The following KCNQ1OT1 variants were observed in gnomAD, a reference collection of about 807,000 sequenced individuals.
KCNQ1OT1 encodes KCNQ1 opposite strand/antisense transcript 1.
Position 2,621,585 on chromosome 11 carries a change from C to A in KCNQ1OT1, n.78410G>T. ...TCTCTTTGCTATTGGTCTGTTCAGG[C>A]TTTCTATTCCTGATTTAATCTTAGC... On this transcript the variant is annotated non_coding_transcript_exon_variant, in exon 1 of 1. Coordinates refer to ENST00000597346, the Ensembl canonical transcript of KCNQ1OT1. This position sits in a 1 kb window ranked among gnomAD's most constrained non-coding sequence, Gnocchi z 5.7. The A allele has an allele frequency of 2.5e-6, 1 of 398,410 alleles. No homozygotes were observed. The highest frequency in any genetic ancestry group is 4.4e-6 in the Non-Finnish European group (1 of 226,002). 24.7% of individuals were successfully genotyped at this position (398,410 alleles called of 1,614,324 possible). A position where few individuals can be genotyped will look rare whatever the true frequency, so the allele number is the denominator to read the frequency against.
exon 1 of KCNQ1OT1, chr11:2,637,021 CG>C (rs1849481271): frequency 6.6e-6 from 1 of 152,036 alleles, no homozygotes; most frequent in Admixed American, 6.6e-5. Flanking sequence ...TCTGTGGGAT[CG>C]GTGGTGATAT....
exon 1 of KCNQ1OT1, chr11:2,643,020 A>G (rs1849604026): frequency 2.5e-6 from 1 of 397,848 alleles, no homozygotes. Flanking sequence ...CTGAGAAGAT[A>G]TGTGATATGA....
chr11:2,683,914 T>C lies in KCNQ1OT1; in HGVS notation n.16081A>G. 2.5e-6 allele frequency: 1 copy of C among 397,454 alleles called. No homozygotes were observed. Among genetic ancestry groups the C allele is most frequent in the East Asian group, 3.6e-5 (1 of 28,042 alleles). 24.6% of individuals were successfully genotyped at this position (397,454 alleles called of 1,614,324 possible). A position where few individuals can be genotyped will look rare whatever the true frequency, so the allele number is the denominator to read the frequency against. On this transcript the variant is annotated non_coding_transcript_exon_variant, in exon 1 of 1. Coordinates refer to ENST00000597346, the Ensembl canonical transcript of KCNQ1OT1. The surrounding 1 kb of genome is among the most constrained non-coding windows in gnomAD (Gnocchi z 4.7). ...GCAAAAGATGGCCAAAGGTGCATGC[T>C]CTGTGACACGTTTCATAGTCAGACA...
At position 2,677,792 on chromosome 11, in the gene KCNQ1OT1, C is replaced by G. The variant is rs1352179128; in HGVS notation, n.22203G>C. The G allele has an allele frequency of 1.8e-5, 7 of 398,372 alleles. No homozygotes were observed. Among genetic ancestry groups the G allele is most frequent in the African/African-American group, 2.1e-5 (1 of 48,586 alleles). The allele number at this position is 398,372 out of a possible 1,614,324, so 24.7% of individuals were successfully genotyped here. ...ATCCTCCCTTTCCCCCCATTTCCAG[C>G]AGGATTAAAATGTTCATTTATGTTG... On this transcript the variant is annotated non_coding_transcript_exon_variant, in exon 1 of 1. Transcript: ENST00000597346. This position sits in a 1 kb window ranked among gnomAD's most constrained non-coding sequence, Gnocchi z 4.5.
At chr11:2,636,907 G>A (rs1414687584) in exon 1 of KCNQ1OT1, 1 of 152,166 alleles carries the variant, frequency 6.6e-6, no homozygotes, top group Non-Finnish European at 1.5e-5. Flanking sequence ...TCCTGGTTTA[G>A]TCTTGGAAGG....
At chr11:2,628,862 T>A (rs1202593037) in exon 1 of KCNQ1OT1, 2 of 398,272 alleles carry the variant, frequency 5.0e-6, no homozygotes, top group Admixed American at 8.8e-5. Context: ...TGCCATTTAT[T>A]CAAGAGAGTA....
rs1848988720 is a variant in KCNQ1OT1, at chr11:2,612,228, A to G, written n.87767T>C. On this transcript the variant is annotated non_coding_transcript_exon_variant, in exon 1 of 1. Coordinates refer to ENST00000597346, the Ensembl canonical transcript of KCNQ1OT1. The surrounding 1 kb of genome is among the most constrained non-coding windows in gnomAD (Gnocchi z 5.5). Reference sequence around the variant, plus strand: ...AGCTCTGCCTCCTGTCTGATCAGTGATGGCATTAGATTCTCACAGAGAGCA... The same window carrying G: ...AGCTCTGCCTCCTGTCTGATCAGTGGTGGCATTAGATTCTCACAGAGAGCA... 2.5e-6 allele frequency: 1 copy of G among 398,638 alleles called. No individual in the cohort carries two copies. The highest frequency in any genetic ancestry group is 4.4e-6 in the Non-Finnish European group (1 of 226,074). The allele number at this position is 398,638 out of a possible 1,614,324, so 24.7% of individuals were successfully genotyped here.
exon 1 of KCNQ1OT1, chr11:2,650,630 T>A: frequency 5.0e-6 from 2 of 398,670 alleles, no homozygotes; most frequent in Non-Finnish European, 8.8e-6. Context: ...TTTTTGCTGA[T>A]GTTGCTAACT....
rs2133807615 is a variant in KCNQ1OT1 at position 2,623,974 on chromosome 11, A to G, written n.76021T>C. Reference sequence around the variant, plus strand: ...AACTCTTCTCCACCAGGGCTGCACCACTTTACATTCCCATTAATGGTATAT... The same window carrying G: ...AACTCTTCTCCACCAGGGCTGCACCGCTTTACATTCCCATTAATGGTATAT... On this transcript the variant is annotated non_coding_transcript_exon_variant, in exon 1 of 1. Transcript: ENST00000597346. The surrounding 1 kb of genome is among the most constrained non-coding windows in gnomAD (Gnocchi z 5.2). 3 of 398,680 alleles carry G rather than the reference A, an allele frequency of 7.5e-6. No homozygotes were observed. The East Asian group carries it at 1.1e-4, about 14-fold the overall frequency. The allele number at this position is 398,680 out of a possible 1,614,324, so 24.7% of individuals were successfully genotyped here.
exon 1 of KCNQ1OT1, chr11:2,618,549 A>G: frequency 2.5e-6 from 1 of 398,534 alleles, no homozygotes; most frequent in Non-Finnish European, 4.4e-6. Context: ...ATTCTGTTCC[A>G]CTGGTCTACA....
At position 2,698,761 on chromosome 11, in the gene KCNQ1OT1, G is replaced by A. The variant is rs1274147785; in HGVS notation, n.1234C>T. On this transcript the variant is annotated non_coding_transcript_exon_variant, in exon 1 of 1. Coordinates refer to ENST00000597346, the Ensembl canonical transcript of KCNQ1OT1. The surrounding 1 kb of genome is among the most constrained non-coding windows in gnomAD (Gnocchi z 5.1). ...TTGGATCTCAACTCAGAGCCATGAT[G>A]CAGACTCCAGACCGGGATTCAGGTC... 2.0e-5 allele frequency: 8 copies of A among 398,596 alleles called. No homozygotes were observed. Among genetic ancestry groups the A allele is most frequent in the Non-Finnish European group, 3.5e-5 (8 of 226,158 alleles). 24.7% of individuals were successfully genotyped at this position (398,596 alleles called of 1,614,324 possible). A position where few individuals can be genotyped will look rare whatever the true frequency, so the allele number is the denominator to read the frequency against.
At chr11:2,616,790 CTT>C (rs1216355312) in exon 1 of KCNQ1OT1, 1 of 397,986 alleles carries the variant, frequency 2.5e-6, no homozygotes, top group African/African-American at 2.1e-5. Flanking sequence ...TATTGAGACT[CTT>C]TTGTGGCCTA....
chr11:2,630,657 ATATT>A (rs879697310), exon 1 of KCNQ1OT1: 36 of 398,256 alleles, frequency 9.0e-5, no homozygotes, highest in African/African-American at 4.3e-4. Context: ...AGTTGCCCGT[ATATT>A]TATTTATCAG....
chr11:2,639,660 G>C (rs951438444), exon 1 of KCNQ1OT1: 23 of 152,458 alleles, frequency 1.5e-4, no homozygotes, highest in African/African-American at 5.5e-4. Context: ...TCGGGGGTCA[G>C]GGACCCACTT....
In KCNQ1OT1 at chr11:2,673,371, C is replaced by G; in HGVS notation, n.26624G>C. 1 of 398,594 alleles carries G rather than the reference C, an allele frequency of 2.5e-6. No individual in the cohort carries two copies. The highest frequency in any genetic ancestry group is 4.4e-6 in the Non-Finnish European group (1 of 226,108). The allele number at this position is 398,594 out of a possible 1,614,324, so 24.7% of individuals were successfully genotyped here. ...TAGCAAACAAAGGGAAGTGACAGAG[C>G]AGAGCTCCCCTTGGCCTTTGTTTAG... is the stretch of plus-strand genomic sequence containing the variant. On this transcript the variant is annotated non_coding_transcript_exon_variant, in exon 1 of 1. Coordinates refer to ENST00000597346, the Ensembl canonical transcript of KCNQ1OT1. The surrounding 1 kb of genome is among the most constrained non-coding windows in gnomAD (Gnocchi z 4.5).
rs1430069923 is a variant in KCNQ1OT1, at chr11:2,612,467, T to C, written n.87528A>G. 1.5e-5 allele frequency: 6 copies of C among 398,512 alleles called. No homozygotes were observed. In the East Asian group the frequency reaches 1.8e-4, roughly 12 times the overall value. The allele number at this position is 398,512 out of a possible 1,614,324, so 24.7% of individuals were successfully genotyped here. A position where few individuals can be genotyped will look rare whatever the true frequency, so the allele number is the denominator to read the frequency against. On this transcript the variant is annotated non_coding_transcript_exon_variant, in exon 1 of 1. Coordinates refer to ENST00000597346, the Ensembl canonical transcript of KCNQ1OT1. This position sits in a 1 kb window ranked among gnomAD's most constrained non-coding sequence, Gnocchi z 5.5. ...TCTTTCTATTCTTCAGTCTGAATCA[T>C]CTTTATGGATCTGCGTTGAAGTTCA...
At chr11:2,697,802 C>A in exon 1 of KCNQ1OT1, 1 of 398,614 alleles carries the variant, frequency 2.5e-6, no homozygotes, top group South Asian at 1.3e-4. Flanking sequence ...CATCTACATT[C>A]ATAAGGGAAA....
chr11:2,699,231 C>T (rs1031807923), exon 1 of KCNQ1OT1: 2 of 398,760 alleles, frequency 5.0e-6, no homozygotes, highest in African/African-American at 2.1e-5. Flanking sequence ...CGACCCTGGC[C>T]ACGCTGTCCA....
At position 2,671,089 on chromosome 11, in the gene KCNQ1OT1, T is replaced by C; in HGVS notation, n.28906A>G. On this transcript the variant is annotated non_coding_transcript_exon_variant, in exon 1 of 1. Coordinates refer to ENST00000597346, the Ensembl canonical transcript of KCNQ1OT1. The surrounding 1 kb of genome is among the most constrained non-coding windows in gnomAD (Gnocchi z 4.7). ...GTAGTGACTGGCTAGCAGGAGGAAG[T>C]CTGGCAGTTAGTCTGAGCAGTTAGT... 2 of 376,002 alleles carry C rather than the reference T, an allele frequency of 5.3e-6. No individual in the cohort carries two copies. 23.3% of individuals were successfully genotyped at this position (376,002 alleles called of 1,614,324 possible).
Sources: allele counts gnomAD v4.1 joint callset, GRCh38; gene constraint gnomAD v4.1.1; non-coding constraint Gnocchi (gnomAD v3.1); transcripts MANE v1.5; gene names NCBI Gene and HGNC (gene_info 2026-07-23, HGNC 2026-07-21).